PDE10A: variants seen among roughly 807,000 people sequenced by gnomAD.
PDE10A encodes cAMP and cAMP-inhibited cGMP 3',5'-cyclic phosphodiesterase 10A.
PDE10A carries 39 observed loss-of-function variants against 97.7 expected under a neutral mutation model. The ratio of observed to expected loss-of-function variants is 0.40; its 90% CI spans 0.31 to 0.52. PDE10A has a LOEUF of 0.52. Ranked by LOEUF, PDE10A falls within the 20% of genes least tolerant of loss-of-function variation. PDE10A has a pLI of 0.56. For synonymous variants in PDE10A, 371 were observed against 376.8 expected, an observed-to-expected ratio of 0.98 and a Z score of 0.18; for missense variants, 731 against 1,047.8, an observed-to-expected ratio of 0.70 and a Z score of 4.17.
intron 3 of PDE10A, among the ~76,000 whole-genome samples, chr6:165,451,481 A>C (rs1791286092): frequency 6.6e-6 from 1 of 152,140 alleles, no homozygotes; most frequent in South Asian, 2.1e-4. Flanking sequence ...TAATAAACAA[A>C]AACGCCTCGC....
At chr6:165,575,843 A>T (rs1785275564) in intron 1 of PDE10A, among the ~76,000 whole-genome samples, 1 of 152,202 alleles carries the variant, frequency 6.6e-6, no homozygotes. Context: ...CTCAGTCTTC[A>T]TCTCCCTTGG....
chr6:165,782,358 G>T (rs958799418), intron 1 of PDE10A, among the ~76,000 whole-genome samples: 2 of 152,154 alleles, frequency 1.3e-5, no homozygotes, highest in East Asian at 1.9e-4. Flanking sequence ...CAGTTTACAG[G>T]CATTTATTGG....
At chr6:165,609,397 TATC>T in intron 1 of PDE10A, among the ~76,000 whole-genome samples, 1 of 152,292 alleles carries the variant, frequency 6.6e-6, no homozygotes, top group Admixed American at 6.5e-5. Flanking sequence ...CCACAGCCAA[TATC>T]ATACTGAATG....
rs371960462 is a variant in PDE10A at position 165,626,858 on chromosome 6, G to T, written c.865+35089C>A. ...GGGTCCTATCTGGAGCATCAGGGAC[G>T]GGCTCAGTAGCCCTTCTGGGTCCTT... On this transcript the variant is annotated intron_variant, in intron 1 of 21. Coordinates refer to ENST00000539869, the MANE Select transcript of PDE10A (RefSeq NM_001385079.1). 2.4e-4 allele frequency among the ~76,000 whole-genome samples: 36 copies of T among 152,266 alleles called. No homozygotes were observed. The East Asian group carries it at 6.2e-3, about 26-fold the overall frequency.
chr6:165,628,633 T>C (rs1337170736), intron 1 of PDE10A, among the ~76,000 whole-genome samples: 1 of 152,192 alleles, frequency 6.6e-6, no homozygotes, highest in Non-Finnish European at 1.5e-5. Flanking sequence ...CTTGAGCCAC[T>C]GCACATGGCC....
At chr6:165,750,699 A>G (rs1227265839) in intron 1 of PDE10A, among the ~76,000 whole-genome samples, 2 of 151,966 alleles carry the variant, frequency 1.3e-5, no homozygotes, top group African/African-American at 4.8e-5. Context: ...TCCTTTTCTG[A>G]TGCAGGTACT....
intron 1 of PDE10A, among the ~76,000 whole-genome samples, chr6:165,830,520 C>T (rs1334321480): frequency 3.3e-5 from 5 of 152,002 alleles, no homozygotes; most frequent in Admixed American, 6.5e-5. Flanking sequence ...ACCGGTTTGC[C>T]GCATGTCCAG....
chr6:165,343,395 G>A lies in PDE10A; in HGVS notation c.2891C>T (p.Ala964Val). Residue 964 changes from alanine (A) to valine (V), a missense_variant, in exon 19 of 22, where the codon GCT becomes GTT. Coordinates refer to ENST00000539869, the MANE Select transcript of PDE10A (RefSeq NM_001385079.1). ...ATATAAGAATCAAGGACATACCTCA[G>A]CCCAGAATTCTGCATATATATCATT... ...TANDIYAEFWAEGDEMKKLGI... is the reference protein window; with the variant it reads ...TANDIYAEFWVEGDEMKKLGI... 1 of 1,606,002 alleles carries A rather than the reference G, an allele frequency of 6.2e-7. No homozygotes were observed. Among genetic ancestry groups the A allele is most frequent in the Non-Finnish European group, 8.5e-7 (1 of 1,172,746 alleles).
chr6:165,639,527 C>T (rs756803206), intron 1 of PDE10A, among the ~76,000 whole-genome samples: 5 of 151,948 alleles, frequency 3.3e-5, no homozygotes, highest in African/African-American at 1.2e-4. Flanking sequence ...CACCTGAGGT[C>T]AGGAGTTCAA....
At chr6:165,636,233 A>C (rs1788868290) in intron 1 of PDE10A, among the ~76,000 whole-genome samples, 1 of 152,162 alleles carries the variant, frequency 6.6e-6, no homozygotes, top group Admixed American at 6.5e-5. Flanking sequence ...GCTCACCTCA[A>C]CACACTTTAT....
intron 2 of PDE10A, among the ~76,000 whole-genome samples, chr6:165,513,663 C>A (rs1310067042): frequency 1.3e-5 from 2 of 152,054 alleles, no homozygotes; most frequent in African/African-American, 4.8e-5. Flanking sequence ...AAGAGTAAAT[C>A]TGTCTTCATT....
intron 1 of PDE10A, among the ~76,000 whole-genome samples, chr6:165,821,664 G>A (rs924457420): frequency 5.3e-5 from 8 of 151,986 alleles, no homozygotes; most frequent in African/African-American, 1.4e-4. Context: ...TATTACAGGC[G>A]TGCACCTAGA....
intron 10 of PDE10A, among the ~76,000 whole-genome samples, chr6:165,425,078 G>A (rs1001707705): frequency 1.3e-5 from 2 of 151,898 alleles, no homozygotes; most frequent in Non-Finnish European, 2.9e-5. Context: ...CAAACACAAA[G>A]AAATAAGTAC....
At chr6:165,966,013 G>A (rs940474477) in intron 1 of PDE10A, among the ~76,000 whole-genome samples, 2 of 152,214 alleles carry the variant, frequency 1.3e-5, no homozygotes, top group Non-Finnish European at 2.9e-5. Flanking sequence ...GGGAATCACC[G>A]TCATCGGAAA....
chr6:165,797,607 A>C (rs542635741), intron 1 of PDE10A, among the ~76,000 whole-genome samples: 1 of 152,320 alleles, frequency 6.6e-6, no homozygotes, highest in East Asian at 1.9e-4. Context: ...GTATTTGTTC[A>C]ATATTTTACA....
At chr6:165,770,841 C>T (rs1483453105) in intron 1 of PDE10A, among the ~76,000 whole-genome samples, 2 of 152,222 alleles carry the variant, frequency 1.3e-5, no homozygotes, top group African/African-American at 2.4e-5. Context: ...TTGGAGGCTT[C>T]GCTGGCCTGT....
intron 2 of PDE10A, among the ~76,000 whole-genome samples, chr6:165,506,925 CTG>C (rs1486708887): frequency 1.3e-5 from 2 of 152,138 alleles, no homozygotes; most frequent in Admixed American, 6.6e-5. Context: ...CACAGCCTCT[CTG>C]TTTTTCTTCT....
At chr6:165,537,243 G>C (rs928673353) in intron 2 of PDE10A, among the ~76,000 whole-genome samples, 1 of 151,992 alleles carries the variant, frequency 6.6e-6, no homozygotes, top group Admixed American at 6.6e-5. Flanking sequence ...GGGATCTCAC[G>C]AAGGAAGAGA....
chr6:165,777,501 T>C (rs1583073726), intron 1 of PDE10A, among the ~76,000 whole-genome samples: 1 of 45,750 alleles, frequency 2.2e-5, no homozygotes, highest in South Asian at 4.4e-4. Flanking sequence ...TTGCAGTCAG[T>C]AGTGGCCCAT....
Sources: gnomAD v4.1 joint callset for allele counts (sites outside exome capture counted in the v4.1 genomes callset) on GRCh38, gnomAD v4.1.1 for gene constraint, MANE v1.5 for transcripts, NCBI Gene and HGNC (gene_info 2026-07-23, HGNC 2026-07-21) for gene names.